Variants in CCDC106 observed in about 807,000 individuals in gnomAD.
The protein encoded by CCDC106 is coiled-coil domain-containing protein 106.
A neutral mutation model predicts 24.7 loss-of-function variants in CCDC106; 17 were observed. The ratio of observed to expected loss-of-function variants is 0.69; its 90% CI spans 0.47 to 1.03. CCDC106 has a LOEUF of 1.03. Among genes scored for constraint, CCDC106 ranks in the 50% least tolerant of loss-of-function variants. The pLI is 0.00. For synonymous variants in CCDC106, 211 were observed against 161.3 expected, an observed-to-expected ratio of 1.31 and a Z score of -2.34; for missense variants, 337 against 388.9, an observed-to-expected ratio of 0.87 and a Z score of 1.12.
rs575946163 is a variant in CCDC106, at chr19:55,652,795, C to G, written c.*49C>G. ...ACCCGGGCCTTCCTCCCCCGTGGAC[C>G]CCGGTGGATGACCTGCCCCTCTCCC... On this transcript the variant is annotated 3_prime_UTR_variant, in exon 5 of 5. Coordinates refer to ENST00000586790, the MANE Select transcript of CCDC106 (RefSeq NM_001370470.1). The surrounding 1 kb of genome is among the most constrained non-coding windows in gnomAD (Gnocchi z 5.9). 1.3e-6 allele frequency: 2 copies of G among 1,489,874 alleles called. No homozygotes were observed. The highest frequency in any genetic ancestry group is 2.2e-4 in the Middle Eastern group (1 of 4,634). The allele number at this position is 1,489,874 out of a possible 1,614,324, so 92.3% of individuals were successfully genotyped here. A position where few individuals can be genotyped will look rare whatever the true frequency, so the allele number is the denominator to read the frequency against.
intron 3 of CCDC106, among the ~76,000 whole-genome samples, chr19:55,651,010 C>G (rs1240569360): frequency 6.6e-6 from 1 of 152,228 alleles, no homozygotes; most frequent in Admixed American, 6.5e-5. Context: ...CGCATAGTCA[C>G]AGGGGTCCTG....
intron 3 of CCDC106, among the ~76,000 whole-genome samples, chr19:55,650,394 G>C (rs767215258): frequency 1.3e-5 from 2 of 152,094 alleles, no homozygotes; most frequent in Non-Finnish European, 2.9e-5. Flanking sequence ...CCTCTTCCCC[G>C]GATGGTCAGG....
At chr19:55,649,376 A>G in intron 2 of CCDC106, 32 bp from the exon 3 acceptor site, 1 of 1,613,072 alleles carries the variant, frequency 6.2e-7, no homozygotes, top group Non-Finnish European at 8.5e-7. Context: ...CCAGGGTGTG[A>G]CCTGGTCCCC....
At chr19:55,647,458 C>G (rs961950982), upstream of CCDC106, among the ~76,000 whole-genome samples, 1 of 152,188 alleles carries the variant, frequency 6.6e-6, no homozygotes, top group African/African-American at 2.4e-5. Context: ...CAAATAATAC[C>G]AGCAGCGCTC....
Position 55,652,817 on chromosome 19 carries a change from T to C in CCDC106, c.*71T>C, listed in dbSNP as rs979145736. 6.1e-6 allele frequency: 8 copies of C among 1,313,558 alleles called. No individual in the cohort carries two copies. Among genetic ancestry groups the C allele is most frequent in the Non-Finnish European group, 8.3e-6 (8 of 960,996 alleles). 81.4% of individuals were successfully genotyped at this position (1,313,558 alleles called of 1,614,324 possible). A position where few individuals can be genotyped will look rare whatever the true frequency, so the allele number is the denominator to read the frequency against. On this transcript the variant is annotated 3_prime_UTR_variant, in exon 5 of 5. Transcript: ENST00000586790. The surrounding 1 kb of genome is among the most constrained non-coding windows in gnomAD (Gnocchi z 5.9). ...GACCCCGGTGGATGACCTGCCCCTC[T>C]CCCCGCCGCGCCCCTGCCCCTCCTC... is the stretch of plus-strand genomic sequence containing the variant.
In CCDC106 at chr19:55,649,580, G is replaced by A. The variant is rs559176531; in HGVS notation, c.309G>A (p.Glu103=). ...AATTCATCTCTTCTGCTCGGATGGA[G>A]GCAGGTGTGTGTGGGGTGCTCTGAT... is the stretch of plus-strand genomic sequence containing the variant. ...LDKFISSARM[E]AEDHCRMKPG... The change falls in exon 3 of 5, where the codon GAG becomes GAA. Residue 103 remains glutamate (E), a synonymous_variant. Coordinates refer to ENST00000586790, the MANE Select transcript of CCDC106 (RefSeq NM_001370470.1). 8.1e-6 allele frequency: 13 copies of A among 1,613,592 alleles called. No individual in the cohort carries two copies. The Admixed American group carries it at 2.2e-4, about 27-fold the overall frequency.
At chr19:55,651,148 C>T in intron 3 of CCDC106, 135 bp from the exon 4 acceptor site, 2 of 716,338 alleles carry the variant, frequency 2.8e-6, no homozygotes, top group Non-Finnish European at 5.0e-6. Context: ...CTACCGTACT[C>T]CTTGTCTCTC....
Position 55,652,809 on chromosome 19 carries a change from T to G in CCDC106, c.*63T>G, listed in dbSNP as rs1983418103. The G allele has an allele frequency of 9.3e-6, 13 of 1,391,500 alleles. No individual in the cohort carries two copies. The South Asian group carries it at 1.7e-4, about 18-fold the overall frequency. The allele number at this position is 1,391,500 out of a possible 1,614,324, so 86.2% of individuals were successfully genotyped here. ...CCCCCGTGGACCCCGGTGGATGACC[T>G]GCCCCTCTCCCCGCCGCGCCCCTGC... On this transcript the variant is annotated 3_prime_UTR_variant, in exon 5 of 5. Transcript: ENST00000586790. The surrounding 1 kb of genome is among the most constrained non-coding windows in gnomAD (Gnocchi z 5.9).
chr19:55,651,243 T>TC (rs1983239854), intron 3 of CCDC106, 40 bp from the exon 4 acceptor site: 1 of 1,461,966 alleles, frequency 6.8e-7, no homozygotes, highest in African/African-American at 1.4e-5. Context: ...TGATGGGATG[T>TC]CTGGTCCCTT....
chr19:55,652,757 C>T lies in CCDC106; in HGVS notation c.*11C>T, dbSNP rs760068535. ...CGCTTCAAGCGGTGATCGCACCACGCCTCCGCGCCTCCACCCGGGCCTTCC... is the reference window on the plus strand; with the variant it reads ...CGCTTCAAGCGGTGATCGCACCACGTCTCCGCGCCTCCACCCGGGCCTTCC... On this transcript the variant is annotated 3_prime_UTR_variant, in exon 5 of 5. Transcript: ENST00000586790. The surrounding 1 kb of genome is among the most constrained non-coding windows in gnomAD (Gnocchi z 5.9). 1.9e-6 allele frequency: 3 copies of T among 1,594,582 alleles called. No individual in the cohort carries two copies. The highest frequency in any genetic ancestry group is 2.6e-6 in the Non-Finnish European group (3 of 1,168,426).
Position 55,652,903 on chromosome 19 carries a change from G to A in CCDC106, c.*157G>A, listed in dbSNP as rs866746607. The A allele has an allele frequency of 7.7e-6, 5 of 649,462 alleles. No homozygotes were observed. Among genetic ancestry groups the A allele is most frequent in the African/African-American group, 3.7e-5 (2 of 53,966 alleles). 40.2% of individuals were successfully genotyped at this position (649,462 alleles called of 1,614,324 possible). ...CCCCAAGCGCGACGGCCCCGGACCG[G>A]CCGCGGCCCCTTCCCGAACGCCGGC... is the stretch of plus-strand genomic sequence containing the variant. On this transcript the variant is annotated 3_prime_UTR_variant, in exon 5 of 5. Transcript: ENST00000586790. The surrounding 1 kb of genome is among the most constrained non-coding windows in gnomAD (Gnocchi z 5.9).
In CCDC106 at chr19:55,649,541, G is replaced by C; in HGVS notation, c.270G>C (p.Arg90=). ...TGGAGGAAGAGAGGGACTTCCTGCG[G>C]TGCCAGCTGGACAAATTCATCTCTT... The part of the protein sequence containing the change: ...EDLEEERDFL[R]CQLDKFISSA... Residue 90 remains arginine (R), a synonymous_variant, in exon 3 of 5, where the codon CGG becomes CGC. Coordinates refer to ENST00000586790, the MANE Select transcript of CCDC106 (RefSeq NM_001370470.1). 1 of 1,614,158 alleles carries C rather than the reference G, an allele frequency of 6.2e-7. No homozygotes were observed. The highest frequency in any genetic ancestry group is 8.5e-7 in the Non-Finnish European group (1 of 1,180,006).
intron 1 of CCDC106, 21 bp downstream of exon 1, chr19:55,649,098 T>TC (rs771424970): frequency 1.9e-6 from 3 of 1,613,744 alleles, no homozygotes. Flanking sequence ...TGGGTCCCCT[T>TC]CCCTACCCTG....
Position 55,652,851 on chromosome 19 carries a change from C to T in CCDC106, c.*105C>T. The T allele has an allele frequency of 9.7e-7, 1 of 1,035,040 alleles. No individual in the cohort carries two copies. The highest frequency in any genetic ancestry group is 1.4e-6 in the Non-Finnish European group (1 of 722,092). The allele number at this position is 1,035,040 out of a possible 1,614,324, so 64.1% of individuals were successfully genotyped here. On this transcript the variant is annotated 3_prime_UTR_variant, in exon 5 of 5. Coordinates refer to ENST00000586790, the MANE Select transcript of CCDC106 (RefSeq NM_001370470.1). The surrounding 1 kb of genome is among the most constrained non-coding windows in gnomAD (Gnocchi z 5.9). ...CGCCCCTGCCCCTCCTCCTCGCTCC[C>T]TGGGTTGGGGGCTCCCTTAGCCGGG... is the stretch of plus-strand genomic sequence containing the variant.
At chr19:55,647,765 G>A (rs1982956230), upstream of CCDC106, among the ~76,000 whole-genome samples, 1 of 152,096 alleles carries the variant, frequency 6.6e-6, no homozygotes, top group Non-Finnish European at 1.5e-5. Flanking sequence ...GGCTGTAGGA[G>A]GTAGGGGAGC....
intron 3 of CCDC106, 144 bp downstream of exon 3, chr19:55,649,728 C>T: frequency 2.8e-6 from 2 of 719,892 alleles, no homozygotes; most frequent in South Asian, 1.9e-5. Flanking sequence ...CTGTTTTGGG[C>T]CCCCAGGCCC....
chr19:55,649,593 G>A lies in CCDC106; in HGVS notation c.313+9G>A, dbSNP rs781259214. On this transcript the variant is annotated intron_variant, in intron 3 of 4. Transcript: ENST00000586790. The stretch of plus-strand genomic sequence containing the variant: ...TGCTCGGATGGAGGCAGGTGTGTGT[G>A]GGGTGCTCTGATCCACATGCCTCCC... 8 of 1,611,966 alleles carry A rather than the reference G, an allele frequency of 5.0e-6. No individual in the cohort carries two copies. The highest frequency in any genetic ancestry group is 6.8e-6 in the Non-Finnish European group (8 of 1,178,784).
intron 3 of CCDC106, among the ~76,000 whole-genome samples, chr19:55,651,039 C>G (rs774664835): frequency 6.6e-6 from 1 of 152,214 alleles, no homozygotes; most frequent in Non-Finnish European, 1.5e-5. Context: ...GGTCGGCTGC[C>G]TCCGTAAGAC....
At position 55,651,347 on chromosome 19, in the gene CCDC106, G is replaced by A. The variant is rs1474853582; in HGVS notation, c.378G>A (p.Gly126=). ...RMEGDSRGGA[G]GEASDPESAA... ...AGGGGGACAGCCGTGGTGGGGCTGGGGGCGAGGCCTCGGACCCTGAGTCAG... is the reference window on the plus strand; with the variant it reads ...AGGGGGACAGCCGTGGTGGGGCTGGAGGCGAGGCCTCGGACCCTGAGTCAG... The change falls in exon 4 of 5, where the codon GGG becomes GGA. Residue 126 remains glycine, a synonymous_variant. Transcript: ENST00000586790. 1 of 1,613,256 alleles carries A rather than the reference G, an allele frequency of 6.2e-7. No individual in the cohort carries two copies. The highest frequency in any genetic ancestry group is 1.3e-5 in the African/African-American group (1 of 74,934).
Sources: gnomAD v4.1 joint callset for allele counts (sites outside exome capture counted in the v4.1 genomes callset) on GRCh38, gnomAD v4.1.1 for gene constraint, Gnocchi (gnomAD v3.1) non-coding constraint, MANE v1.5 for transcripts, NCBI Gene and HGNC (gene_info 2026-07-23, HGNC 2026-07-21) for gene names.